Variants in DNAJB1 observed in about 807,000 individuals in gnomAD.
DNAJB1 encodes DnaJ heat shock protein family (Hsp40) member B1.
A neutral mutation model predicts 24.0 loss-of-function variants in DNAJB1; 14 were observed. That is an observed-to-expected ratio of 0.58 (90% CI 0.39 to 0.91). The LOEUF (loss-of-function observed/expected upper bound fraction) is 0.91, where lower values mean the gene tolerates loss of function less well. Ranked by LOEUF, DNAJB1 falls within the 40% of genes least tolerant of loss-of-function variation. DNAJB1 has a pLI of 0.00. For synonymous variants in DNAJB1, 262 were observed against 174.4 expected, an observed-to-expected ratio of 1.50 and a Z score of -3.96; for missense variants, 517 against 458.1, an observed-to-expected ratio of 1.13 and a Z score of -1.17.
chr19:14,542,643 T>C (rs1176292994), intron 1 of DNAJB1, among the ~76,000 whole-genome samples: 7 of 152,132 alleles, frequency 4.6e-5, no homozygotes, highest in Non-Finnish European at 8.8e-5. Context: ...ATTAGAGGCA[T>C]TGAGGCACTG....
chr19:14,554,341 G>T (rs1207052071), upstream of DNAJB1, among the ~76,000 whole-genome samples: 1 of 152,184 alleles, frequency 6.6e-6, no homozygotes, highest in East Asian at 1.9e-4. Context: ...GAAGTTTCAG[G>T]TTCATAAGCC....
chr19:14,547,765 A>G (rs1021676952), intron 1 of DNAJB1, among the ~76,000 whole-genome samples: 5 of 148,388 alleles, frequency 3.4e-5, no homozygotes, highest in African/African-American at 1.3e-4. Flanking sequence ...CTTAAGTGAT[A>G]CTCTTGCCTT....
At chr19:14,536,227 G>A (rs918360683) in intron 1 of DNAJB1, among the ~76,000 whole-genome samples, 3 of 151,240 alleles carry the variant, frequency 2.0e-5, no homozygotes, top group African/African-American at 7.3e-5. Flanking sequence ...CACTGACAAG[G>A]TTTGGAGCCC....
chr19:14,551,576 T>A (rs2073507000), upstream of DNAJB1, among the ~76,000 whole-genome samples: 1 of 152,124 alleles, frequency 6.6e-6, no homozygotes, highest in South Asian at 2.1e-4. Context: ...GCCCCTGCTT[T>A]TCTAGGCCCA....
chr19:14,558,983 G>A (rs372371865), intron 1 of DNAJB1, among the ~76,000 whole-genome samples: 10 of 151,380 alleles, frequency 6.6e-5, no homozygotes, highest in South Asian at 4.5e-4. Context: ...CTGGGCAGGC[G>A]TGTGTGTGTG....
At position 14,535,541 on chromosome 19, in the gene DNAJB1, A is replaced by T. The variant is rs866759174; in HGVS notation, c.-213-7731T>A. 4.7e-3 allele frequency among the ~76,000 whole-genome samples: 130 copies of T among 27,424 alleles called. 2 individuals are homozygous for T. The highest frequency in any genetic ancestry group is 0.022 in the African/African-American group (116 of 5,242). 18.0% of individuals were successfully genotyped at this position (27,424 alleles called of 152,430 possible). A position where few individuals can be genotyped will look rare whatever the true frequency, so the allele number is the denominator to read the frequency against. On this transcript the variant is annotated intron_variant, in intron 1 of 3. Transcript: ENST00000676982. ...AAAAAAAAAAAAAAAAAAAAAAAAA[A>T]AAATATATATATATATATATATATA...
At chr19:14,523,621 T>G (rs535327100) in intron 2 of DNAJB1, among the ~76,000 whole-genome samples, 1 of 138,610 alleles carries the variant, frequency 7.2e-6, no homozygotes, top group South Asian at 2.4e-4. Flanking sequence ...CTTGTTTTTG[T>G]TTTTTTTTTT....
chr19:14,557,649 G>A (rs1029164920), intron 1 of DNAJB1, among the ~76,000 whole-genome samples: 2 of 148,880 alleles, frequency 1.3e-5, no homozygotes, highest in African/African-American at 2.5e-5. Flanking sequence ...ACGGGGTTTC[G>A]CCATGTTGTC....
upstream of DNAJB1, chr19:14,530,802 C>T (rs796152626): frequency 6.6e-6 from 1 of 152,190 alleles, no homozygotes; most frequent in East Asian, 1.9e-4. Context: ...AATTTACCAT[C>T]TTGACTATTT....
intron 1 of DNAJB1, among the ~76,000 whole-genome samples, chr19:14,538,829 C>T (rs1388521911): frequency 6.6e-6 from 1 of 151,994 alleles, no homozygotes; most frequent in Non-Finnish European, 1.5e-5. Context: ...CCACGCCTGG[C>T]TGAGAAAAGC....
intron 1 of DNAJB1, chr19:14,517,591 C>A: frequency 6.5e-6 from 1 of 154,736 alleles, no homozygotes; most frequent in South Asian, 2.1e-4. Context: ...CTCTCCTTAC[C>A]CTCCGAGGCG....
intron 1 of DNAJB1, among the ~76,000 whole-genome samples, chr19:14,547,283 T>C (rs1191113185): frequency 3.9e-5 from 6 of 152,230 alleles, no homozygotes; most frequent in Non-Finnish European, 1.5e-5. Flanking sequence ...ATGACATCTT[T>C]TGCAACTCTT....
upstream of DNAJB1, among the ~76,000 whole-genome samples, chr19:14,534,217 C>T (rs1468455622): frequency 4.0e-5 from 6 of 151,694 alleles, no homozygotes; most frequent in South Asian, 2.1e-4. Context: ...CTCCGCCTCC[C>T]GGGTTCACGC....
chr19:14,520,634 G>A (rs2072349233), upstream of DNAJB1, among the ~76,000 whole-genome samples: 1 of 152,140 alleles, frequency 6.6e-6, no homozygotes, highest in Non-Finnish European at 1.5e-5. Context: ...CCTAGACATC[G>A]AGAACCATAC....
At chr19:14,535,582 A>G (rs1367189364) in intron 1 of DNAJB1, among the ~76,000 whole-genome samples, 10 of 38,810 alleles carry the variant, frequency 2.6e-4, no homozygotes, top group African/African-American at 7.9e-4. Flanking sequence ...ATATATATAT[A>G]TATATATGTA....
upstream of DNAJB1, among the ~76,000 whole-genome samples, chr19:14,553,256 C>T (rs149473424): frequency 0.021 from 3,186 of 152,294 alleles, 48 homozygotes; most frequent in Non-Finnish European, 0.024. Flanking sequence ...ACCGCTGCCT[C>T]TGCACCTGGC....
chr19:14,526,394 G>A (rs1389382062), intron 2 of DNAJB1, among the ~76,000 whole-genome samples: 1 of 152,134 alleles, frequency 6.6e-6, no homozygotes, highest in Non-Finnish European at 1.5e-5. Flanking sequence ...CATTCCAAGG[G>A]TGGGTTTCAT....
chr19:14,539,493 C>T (rs561326744), intron 1 of DNAJB1, among the ~76,000 whole-genome samples: 3 of 152,142 alleles, frequency 2.0e-5, no homozygotes, highest in South Asian at 2.1e-4. Context: ...GTTCCTGCTC[C>T]CTCCTAGCTG....
chr19:14,549,150 T>C (rs375512598), intron 1 of DNAJB1, among the ~76,000 whole-genome samples: 24 of 151,780 alleles, frequency 1.6e-4, no homozygotes, highest in African/African-American at 5.3e-4. Context: ...TGTAGTTTGC[T>C]GACCCATTTG....
Sources: allele counts gnomAD v4.1 joint callset (sites outside exome capture counted in the v4.1 genomes callset), GRCh38; gene constraint gnomAD v4.1.1; transcripts MANE v1.5; gene names NCBI Gene and HGNC (gene_info 2026-07-23, HGNC 2026-07-21).